The following VAV3 variants were observed in gnomAD, a reference collection of about 807,000 sequenced individuals.
VAV3 encodes the protein vav guanine nucleotide exchange factor 3.
Under a neutral mutation model 131.2 loss-of-function variants are expected in VAV3, and 94 were observed. That is an observed-to-expected ratio of 0.72 (90% CI 0.61 to 0.85). The LOEUF is 0.85. Ranked by LOEUF, VAV3 falls within the 40% of genes least tolerant of loss-of-function variation. The pLI is 0.00. For synonymous variants in VAV3, 349 were observed against 342.0 expected (o/e 1.02, Z -0.22); for missense variants, 939 against 1,002.7 (o/e 0.94, Z 0.86).
At chr1:107,923,155 A>G (rs1672993953) in intron 1 of VAV3, among the ~76,000 whole-genome samples, 1 of 152,096 alleles carries the variant, frequency 6.6e-6, no homozygotes. Context: ...CTGTGTCATT[A>G]TAAGTTAAAT....
chr1:107,736,891 T>C (rs899635747), intron 15 of VAV3, among the ~76,000 whole-genome samples: 1 of 152,108 alleles, frequency 6.6e-6, no homozygotes, highest in African/African-American at 2.4e-5. Flanking sequence ...GAGCCCGCAT[T>C]GCCAAGACAA....
chr1:107,935,042 C>T (rs1046132220), intron 1 of VAV3, among the ~76,000 whole-genome samples: 2 of 152,134 alleles, frequency 1.3e-5, no homozygotes, highest in Non-Finnish European at 2.9e-5. Context: ...ACAGATTACG[C>T]GAACTGATGG....
At chr1:107,647,753 C>T (rs1655842988) in intron 19 of VAV3, among the ~76,000 whole-genome samples, 1 of 152,072 alleles carries the variant, frequency 6.6e-6, no homozygotes, top group African/African-American at 2.4e-5. Flanking sequence ...ACACCTACCA[C>T]TGCCAAATTT....
chr1:107,826,052 G>A (rs1667996226), intron 2 of VAV3, among the ~76,000 whole-genome samples: 1 of 152,158 alleles, frequency 6.6e-6, no homozygotes, highest in African/African-American at 2.4e-5. Context: ...TTAATGAAAT[G>A]CGGAATCAAC....
intron 15 of VAV3, among the ~76,000 whole-genome samples, chr1:107,721,221 G>A (rs1440699227): frequency 2.0e-5 from 3 of 152,176 alleles, no homozygotes; most frequent in Admixed American, 2.0e-4. Context: ...CTATGGTGGG[G>A]GAGGAAAGTG....
chr1:107,711,913 T>C (rs964229204), intron 15 of VAV3, among the ~76,000 whole-genome samples: 4 of 152,124 alleles, frequency 2.6e-5, no homozygotes, highest in Non-Finnish European at 5.9e-5. Flanking sequence ...CTCAAACTCC[T>C]GACCTCAGGT....
At chr1:107,694,505 C>T (rs975944204) in intron 17 of VAV3, among the ~76,000 whole-genome samples, 1 of 152,188 alleles carries the variant, frequency 6.6e-6, no homozygotes, top group Non-Finnish European at 1.5e-5. Context: ...AGGCCATGAG[C>T]CTTTCCTTGC....
intron 15 of VAV3, among the ~76,000 whole-genome samples, chr1:107,744,406 A>T (rs12564672): frequency 0.091 from 13,819 of 152,202 alleles, 774 homozygotes; most frequent in East Asian, 0.25. Context: ...GGGGTAAATG[A>T]GAATTGTTAG....
chr1:107,753,484 GTA>G (rs1300227892), intron 12 of VAV3, among the ~76,000 whole-genome samples: 1 of 94,124 alleles, frequency 1.1e-5, no homozygotes, highest in East Asian at 4.0e-4. Context: ...ATGTGTGTGT[GTA>G]TATATATACA....
intron 25 of VAV3, among the ~76,000 whole-genome samples, chr1:107,587,624 T>G (rs1650605606): frequency 6.6e-6 from 1 of 152,198 alleles, no homozygotes; most frequent in Non-Finnish European, 1.5e-5. Flanking sequence ...TGAGTCTCCC[T>G]CTGTTGCCCA....
chr1:107,893,484 T>C (rs966904234), intron 1 of VAV3, among the ~76,000 whole-genome samples: 3 of 152,194 alleles, frequency 2.0e-5, no homozygotes, highest in South Asian at 4.1e-4. Context: ...AAGAGTTTAA[T>C]GGACTTACAG....
chr1:107,802,883 GTTTTTT>G (rs200786279), intron 2 of VAV3, among the ~76,000 whole-genome samples: 1 of 142,392 alleles, frequency 7.0e-6, no homozygotes, highest in Non-Finnish European at 1.5e-5. Context: ...TTCCTCTTCA[GTTTTTT>G]TTTTTTTTGA....
rs114809285 is a variant in VAV3 at position 107,731,549 on chromosome 1, C to T, written c.1502+17419G>A. ...CAAGAAGTGATATTAGGAAATTATA[C>T]TTTAACAGACAAAGAATTTAAACTC... On this transcript the variant is annotated intron_variant, in intron 15 of 26. Transcript: ENST00000370056. 2.9e-3 allele frequency among the ~76,000 whole-genome samples: 437 copies of T among 152,262 alleles called. 1 individual carries two copies. Among genetic ancestry groups the T allele is most frequent in the African/African-American group, 0.01 (416 of 41,550 alleles).
At chr1:107,794,051 C>T (rs905993184) in intron 2 of VAV3, among the ~76,000 whole-genome samples, 2 of 152,210 alleles carry the variant, frequency 1.3e-5, no homozygotes, top group Non-Finnish European at 2.9e-5. Flanking sequence ...GGATTAAATC[C>T]GGGCATTATT....
Position 107,603,113 on chromosome 1 carries a change from C to T in VAV3, c.2066G>A (p.Arg689Lys). ...CCTCACAAGGTAAGTACTATTTACC[C>T]TATTAATAAGTTCGGTCTCTGCTTG... ...RLQAETELIN[R>K]VNSTYLVRHR... Residue 689 changes from arginine to lysine, a missense_variant, in exon 23 of 27, where the codon AGG (arginine) becomes AAG (lysine). By Grantham distance (26) the Arg-to-Lys change is conservative. Transcript: ENST00000370056. The T allele has an allele frequency of 6.2e-7, 1 of 1,613,628 alleles. No homozygotes were observed. The highest frequency in any genetic ancestry group is 8.5e-7 in the Non-Finnish European group (1 of 1,179,772).
chr1:107,680,701 C>T (rs988287451), intron 19 of VAV3, among the ~76,000 whole-genome samples: 9 of 152,128 alleles, frequency 5.9e-5, no homozygotes, highest in African/African-American at 1.4e-4. Flanking sequence ...AATGAGCCAA[C>T]GCGCCTGGCC....
intron 2 of VAV3, among the ~76,000 whole-genome samples, chr1:107,857,742 G>A (rs1333746023): frequency 1.3e-5 from 2 of 152,114 alleles, no homozygotes; most frequent in African/African-American, 2.4e-5. Flanking sequence ...GACTGACTGT[G>A]CCTGATTCCT....
At position 107,725,909 on chromosome 1, in the gene VAV3, A is replaced by G. The variant is rs1232503115; in HGVS notation, c.1503-20848T>C. The stretch of plus-strand genomic sequence containing the variant: ...AGTAGAATGTTTTAAGCCAATGACA[A>G]TATTCCCTTTCCTGAAGGCAACAAA... On this transcript the variant is annotated intron_variant, in intron 15 of 26. Coordinates refer to ENST00000370056, the MANE Select transcript of VAV3 (RefSeq NM_006113.5). 4.6e-5 allele frequency among the ~76,000 whole-genome samples: 7 copies of G among 152,262 alleles called. No individual in the cohort carries two copies. In the East Asian group the frequency reaches 1.4e-3, roughly 29 times the overall value.
At chr1:107,849,811 A>G (rs1195199136) in intron 2 of VAV3, among the ~76,000 whole-genome samples, 2 of 152,216 alleles carry the variant, frequency 1.3e-5, no homozygotes, top group Admixed American at 1.3e-4. Flanking sequence ...AATTTTTGCA[A>G]TCTATCCATC....
Sources: gnomAD v4.1 joint callset for allele counts (sites outside exome capture counted in the v4.1 genomes callset) on GRCh38, gnomAD v4.1.1 for gene constraint, MANE v1.5 for transcripts, NCBI Gene and HGNC (gene_info 2026-07-23, HGNC 2026-07-21) for gene names.